Variants in NAA35 observed in about 807,000 individuals in gnomAD.
NAA35 encodes MAK10 homolog, amino-acid N-acetyltransferase subunit.
NAA35 carries 18 observed loss-of-function variants against 101.7 expected under a neutral mutation model. The ratio of observed to expected loss-of-function variants is 0.18; its 90% CI spans 0.12 to 0.26. The LOEUF is 0.26. NAA35 is among the 10% of genes least tolerant of loss of function. The pLI, the probability that NAA35 is intolerant of heterozygous loss-of-function variation, is 1.00. For synonymous variants in NAA35, 267 were observed against 273.1 expected, an observed-to-expected ratio of 0.98 and a Z score of 0.22; for missense variants, 601 against 886.8, an observed-to-expected ratio of 0.68 and a Z score of 4.09.
chr9:85,994,897 A>T (rs1831087234), intron 11 of NAA35, among the ~76,000 whole-genome samples: 1 of 152,214 alleles, frequency 6.6e-6, no homozygotes, highest in Non-Finnish European at 1.5e-5. Flanking sequence ...TTACCAGTAC[A>T]AAGAAGAGAG....
rs144887624 is a variant in NAA35 at position 85,949,432 on chromosome 9, C to T, written c.125-6928C>T. Among the ~76,000 whole-genome samples, 509 of 151,838 alleles carry T rather than the reference C, an allele frequency of 3.4e-3. 3 individuals carry two copies. Among genetic ancestry groups the T allele is most frequent in the African/African-American group, 0.011 (467 of 41,388 alleles). On this transcript the variant is annotated intron_variant, in intron 2 of 22. Transcript: ENST00000361671. ...GCCTTGGCCTCCCGAGTAGCTGGGACTACAGGTGCCTGCCACCATGCCCGG... is the reference window on the plus strand; with the variant it reads ...GCCTTGGCCTCCCGAGTAGCTGGGATTACAGGTGCCTGCCACCATGCCCGG...
intron 2 of NAA35, among the ~76,000 whole-genome samples, chr9:85,951,278 G>A (rs1829009981): frequency 1.3e-5 from 2 of 152,068 alleles, no homozygotes. Context: ...TCAATGTCTG[G>A]CATAACAGAG....
chr9:85,954,909 G>GTTGTTTTGTT (rs557702042), intron 2 of NAA35, among the ~76,000 whole-genome samples: 1 of 152,062 alleles, frequency 6.6e-6, no homozygotes, highest in Non-Finnish European at 1.5e-5. Context: ...GCTATGTTTT[G>GTTGTTTTGTT]TTGTTTTGTT....
At chr9:86,007,924 T>C (rs558854825) in intron 14 of NAA35, among the ~76,000 whole-genome samples, 9 of 152,190 alleles carry the variant, frequency 5.9e-5, no homozygotes, top group Non-Finnish European at 1.3e-4. Flanking sequence ...CACTGAAAGA[T>C]ACACGATGGC....
Position 86,023,938 on chromosome 9 carries a change from C to G in NAA35, c.*1978C>G, listed in dbSNP as rs1406855230. Among the ~76,000 whole-genome samples the G allele has an allele frequency of 1.3e-5, 2 of 152,210 alleles. No individual in the cohort carries two copies. Among genetic ancestry groups the G allele is most frequent in the African/African-American group, 4.8e-5 (2 of 41,440 alleles). On this transcript the variant is annotated 3_prime_UTR_variant, in exon 23 of 23. Coordinates refer to ENST00000361671, the MANE Select transcript of NAA35 (RefSeq NM_024635.4). ...GGCTCAAGCAGTCCTCCTGCCTCAG[C>G]CCCCAGAGTAGCTGGGATTATAGGC...
rs1829273836 is a variant in NAA35 at position 85,956,326 on chromosome 9, T to TA, written c.125-33dup. 3 of 1,257,794 alleles carry TA rather than the reference T, an allele frequency of 2.4e-6. No homozygotes were observed. In the South Asian group the frequency reaches 4.1e-5, roughly 17 times the overall value. 77.9% of individuals were successfully genotyped at this position (1,257,794 alleles called of 1,614,324 possible). A position where few individuals can be genotyped will look rare whatever the true frequency, so the allele number is the denominator to read the frequency against. Reference sequence around the variant, plus strand: ...CTTAGAATTAAAAGTTAAATATAAATATGTTCAAAGGGTTTTTCTCTTTTT... The same window carrying TA: ...CTTAGAATTAAAAGTTAAATATAAATAATGTTCAAAGGGTTTTTCTCTTTTT... On this transcript the variant is annotated intron_variant, in intron 2 of 22. Transcript: ENST00000361671.
intron 2 of NAA35, among the ~76,000 whole-genome samples, chr9:85,955,350 ATATATATATATTT>A (rs1219763311): frequency 8.1e-5 from 5 of 61,882 alleles, no homozygotes; most frequent in African/African-American, 4.4e-4. Flanking sequence ...ATATATATAT[ATATATATATATTT>A]TTTTTTTTTT....
In NAA35 at chr9:85,941,199, C is replaced by T. The variant is rs1375139015; in HGVS notation, c.-80C>T. The T allele has an allele frequency of 1.5e-5, 15 of 986,626 alleles. No individual in the cohort carries two copies. The highest frequency in any genetic ancestry group is 1.8e-5 in the Non-Finnish European group (15 of 830,864). 61.1% of individuals were successfully genotyped at this position (986,626 alleles called of 1,614,324 possible). A position where few individuals can be genotyped will look rare whatever the true frequency, so the allele number is the denominator to read the frequency against. On this transcript the variant is annotated 5_prime_UTR_variant, in exon 1 of 23. Coordinates refer to ENST00000361671, the MANE Select transcript of NAA35 (RefSeq NM_024635.4). Reference sequence around the variant, plus strand: ...GCTGGGCTGAGAGGGGAGGGGGCGGCGGCGGCCGAGGCGGCGTCGTTATTT... The same window carrying T: ...GCTGGGCTGAGAGGGGAGGGGGCGGTGGCGGCCGAGGCGGCGTCGTTATTT...
At position 86,018,812 on chromosome 9, in the gene NAA35, G is replaced by A. The variant is rs752031953; in HGVS notation, c.2028G>A (p.Pro676=). 173 of 1,613,466 alleles carry A rather than the reference G, an allele frequency of 1.1e-4. 2 individuals carry two copies. The East Asian group carries it at 3.0e-3, about 28-fold the overall frequency. The change falls in exon 21 of 23, where the codon CCG becomes CCA. Residue 676 remains proline, a synonymous_variant. Transcript: ENST00000361671. ...AKMILENIPN[P]DHEVNRILKV... ...TGATATTGGAAAATATTCCTAACCCGGACCATGAGGTGAGACTGGATTCAC... is the reference window on the plus strand; with the variant it reads ...TGATATTGGAAAATATTCCTAACCCAGACCATGAGGTGAGACTGGATTCAC...
At chr9:85,949,299 C>CTTTT (rs56828555) in intron 2 of NAA35, among the ~76,000 whole-genome samples, 12 of 140,080 alleles carry the variant, frequency 8.6e-5, no homozygotes, top group African/African-American at 3.2e-4. Context: ...TTTTCTTTTT[C>CTTTT]TTTTTTTTTT....
At chr9:86,015,843 A>T in intron 17 of NAA35, 1 of 931,246 alleles carries the variant, frequency 1.1e-6, no homozygotes, top group Non-Finnish European at 1.3e-6. Context: ...CACTTGAATT[A>T]AGATATATGA....
At chr9:85,982,528 G>A (rs1830478189) in intron 11 of NAA35, among the ~76,000 whole-genome samples, 1 of 152,094 alleles carries the variant, frequency 6.6e-6, no homozygotes, top group South Asian at 2.1e-4. Flanking sequence ...TTCACTCATA[G>A]TTATCTGTGA....
chr9:86,007,374 A>G lies in NAA35; in HGVS notation c.1133A>G (p.Asp378Gly). The G allele has an allele frequency of 6.2e-7, 1 of 1,613,216 alleles. No homozygotes were observed. The highest frequency in any genetic ancestry group is 8.5e-7 in the Non-Finnish European group (1 of 1,179,340). ...RSLLQTTFLV[D>G]NKKVFGTHLM... Reference sequence around the variant, plus strand: ...TGTTTTAAGACCACTTTCCTGGTGGATAACAAAAAGGTCTTTGGAACTCAT... The same window carrying G: ...TGTTTTAAGACCACTTTCCTGGTGGGTAACAAAAAGGTCTTTGGAACTCAT... Residue 378 changes from aspartate to glycine, a missense_variant, in exon 14 of 23, where the codon GAT (aspartate) becomes GGT (glycine). Physicochemically the swap from Asp to Gly is moderately conservative, Grantham distance 94. Around this residue, in one of 8 missense-constraint regions of NAA35, gnomAD observed 190 missense variants for 223.1 expected, o/e 0.85. Transcript: ENST00000361671.
Position 86,020,880 on chromosome 9 carries a change from A to T in NAA35, c.2038-9A>T, listed in dbSNP as rs975424766. On this transcript the variant is annotated splice_polypyrimidine_tract_variant and intron_variant, in intron 21 of 22. Transcript: ENST00000361671. ...TTAATGTTTCAGTAGTTTTATGTTC[A>T]TGTTTCAGGTTAATAGAATTTTAAA... The T allele has an allele frequency of 6.2e-7, 1 of 1,601,046 alleles. No individual in the cohort carries two copies. The highest frequency in any genetic ancestry group is 8.5e-7 in the Non-Finnish European group (1 of 1,171,222).
chr9:86,003,312 GTAT>G (rs1399004821), intron 12 of NAA35, among the ~76,000 whole-genome samples: 2 of 152,038 alleles, frequency 1.3e-5, no homozygotes, highest in African/African-American at 4.8e-5. Context: ...ATTATTATTG[GTAT>G]TATTTTTATG....
chr9:85,965,141 A>G (rs1829688492), intron 6 of NAA35, among the ~76,000 whole-genome samples: 1 of 152,188 alleles, frequency 6.6e-6, no homozygotes, highest in Non-Finnish European at 1.5e-5. Context: ...GGTGATATCT[A>G]TCATAATCTA....
At chr9:86,007,575 T>C (rs1238686810) in intron 14 of NAA35, 111 bp downstream of exon 14, 8 of 713,690 alleles carry the variant, frequency 1.1e-5, no homozygotes, top group Admixed American at 7.1e-5. Flanking sequence ...CAAATCTCCA[T>C]GTAAAGTAAC....
At chr9:85,987,754 A>G (rs1830714490) in intron 11 of NAA35, among the ~76,000 whole-genome samples, 1 of 152,244 alleles carries the variant, frequency 6.6e-6, no homozygotes, top group Non-Finnish European at 1.5e-5. Flanking sequence ...ACCAGAATCA[A>G]AATAGAATGG....
chr9:86,014,684 A>G (rs1355348587), intron 17 of NAA35, among the ~76,000 whole-genome samples: 1 of 152,202 alleles, frequency 6.6e-6, no homozygotes, highest in African/African-American at 2.4e-5. Flanking sequence ...CTGCTGTGGG[A>G]GGGAAAGTAA....
Sources: gnomAD v4.1 joint callset for allele counts (sites outside exome capture counted in the v4.1 genomes callset) on GRCh38, gnomAD v4.1.1 for gene constraint, gnomAD v4.1.1 regional missense constraint, MANE v1.5 for transcripts, NCBI Gene and HGNC (gene_info 2026-07-23, HGNC 2026-07-21) for gene names.